FAF1: variants seen among roughly 807,000 people sequenced by gnomAD.
FAF1 encodes FAS-associated factor 1.
A neutral mutation model predicts 92.5 loss-of-function variants in FAF1; 25 were observed. The ratio of observed to expected loss-of-function variants is 0.27; its 90% CI spans 0.20 to 0.38. FAF1 has a LOEUF of 0.38. Ranked by LOEUF, FAF1 falls within the 10% of genes least tolerant of loss-of-function variation. FAF1 has a pLI of 1.00. For synonymous variants in FAF1, 234 were observed against 273.2 expected, an observed-to-expected ratio of 0.86 and a Z score of 1.42; for missense variants, 636 against 793.3, an observed-to-expected ratio of 0.80 and a Z score of 2.38.
At chr1:50,476,805 C>A in intron 17 of FAF1, among the ~76,000 whole-genome samples, 1 of 150,308 alleles carries the variant, frequency 6.7e-6, no homozygotes, top group East Asian at 2.0e-4. Flanking sequence ...GAAAAAAAAC[C>A]AATAAAATAA....
chr1:50,667,731 TTTTAAAA>T (rs1209979661), intron 7 of FAF1, among the ~76,000 whole-genome samples: 2 of 152,354 alleles, frequency 1.3e-5, no homozygotes, highest in African/African-American at 4.8e-5. Flanking sequence ...TAATGCGGAT[TTTTAAAA>T]TTCTTAATCC....
chr1:50,597,442 A>G (rs1651873653), intron 8 of FAF1, among the ~76,000 whole-genome samples: 1 of 152,144 alleles, frequency 6.6e-6, no homozygotes, highest in African/African-American at 2.4e-5. Flanking sequence ...GATGATGCTT[A>G]TATATAAAAA....
intron 4 of FAF1, among the ~76,000 whole-genome samples, chr1:50,763,151 G>A (rs557774363): frequency 1.2e-4 from 18 of 151,996 alleles, no homozygotes; most frequent in Non-Finnish European, 2.2e-4. Flanking sequence ...CCAGCTACTC[G>A]GGTGGCTGAG....
At chr1:50,449,803 G>A (rs1003193349) in intron 18 of FAF1, among the ~76,000 whole-genome samples, 10 of 151,606 alleles carry the variant, frequency 6.6e-5, no homozygotes, top group African/African-American at 2.4e-4. Context: ...AATCTTTTTG[G>A]TATGCTATGA....
intron 8 of FAF1, among the ~76,000 whole-genome samples, chr1:50,628,841 T>C (rs1465408583): frequency 6.6e-6 from 1 of 152,218 alleles, no homozygotes; most frequent in Non-Finnish European, 1.5e-5. Context: ...TGACAGGTTT[T>C]CACAGACATC....
At chr1:50,527,980 C>T (rs1161172073) in intron 15 of FAF1, among the ~76,000 whole-genome samples, 1 of 151,914 alleles carries the variant, frequency 6.6e-6, no homozygotes, top group African/African-American at 2.4e-5. Flanking sequence ...AAGCAATTCT[C>T]CCAGTTTAGC....
At chr1:50,686,152 A>G (rs768947844) in intron 7 of FAF1, among the ~76,000 whole-genome samples, 26 of 152,340 alleles carry the variant, frequency 1.7e-4, no homozygotes, top group Non-Finnish European at 3.4e-4. Context: ...TATAACCTAG[A>G]AAAATTGCTA....
chr1:50,476,847 G>T (rs1305381717), intron 17 of FAF1, among the ~76,000 whole-genome samples: 1 of 151,706 alleles, frequency 6.6e-6, no homozygotes, highest in East Asian at 1.9e-4. Flanking sequence ...ACAGTATAAA[G>T]AAATAATTTA....
chr1:50,729,460 A>C (rs1658828167), intron 6 of FAF1, among the ~76,000 whole-genome samples: 4 of 151,574 alleles, frequency 2.6e-5, no homozygotes, highest in Admixed American at 2.6e-4. Context: ...AACATCATAA[A>C]ATAAGCAGCA....
At chr1:50,785,554 T>A (rs1661330702) in intron 4 of FAF1, among the ~76,000 whole-genome samples, 1 of 148,130 alleles carries the variant, frequency 6.8e-6, no homozygotes, top group Non-Finnish European at 1.5e-5. Context: ...ATCAGACAAA[T>A]ATAAATCAAA....
intron 8 of FAF1, among the ~76,000 whole-genome samples, chr1:50,645,243 A>G (rs1465851369): frequency 6.6e-6 from 1 of 152,232 alleles, no homozygotes; most frequent in African/African-American, 2.4e-5. Context: ...CTGCCCTAGG[A>G]CAGGCTAACA....
intron 13 of FAF1, among the ~76,000 whole-genome samples, chr1:50,548,319 G>C (rs1649132669): frequency 6.6e-6 from 1 of 152,140 alleles, no homozygotes; most frequent in Non-Finnish European, 1.5e-5. Flanking sequence ...GAAAATCAGA[G>C]AAAGGAACGG....
intron 6 of FAF1, among the ~76,000 whole-genome samples, chr1:50,721,850 C>T (rs1658424942): frequency 6.6e-6 from 1 of 151,940 alleles, no homozygotes. Context: ...TCTCAAACAC[C>T]TGGGTTCAAG....
intron 2 of FAF1, among the ~76,000 whole-genome samples, chr1:50,816,818 T>TA (rs1415548660): frequency 6.6e-6 from 1 of 152,232 alleles, no homozygotes; most frequent in East Asian, 1.9e-4. Flanking sequence ...TTTGGGGTCT[T>TA]ACATTTAATT....
At chr1:50,869,393 C>T (rs1438490408) in intron 1 of FAF1, among the ~76,000 whole-genome samples, 1 of 152,080 alleles carries the variant, frequency 6.6e-6, no homozygotes, top group Non-Finnish European at 1.5e-5. Context: ...TGCCACACTT[C>T]TACTTATTTT....
chr1:50,545,989 G>A (rs1648997391), intron 13 of FAF1, among the ~76,000 whole-genome samples: 1 of 152,144 alleles, frequency 6.6e-6, no homozygotes. Flanking sequence ...ATAACAAAGT[G>A]AGACCTGCCT....
chr1:50,534,207 T>C (rs954186892), intron 15 of FAF1, among the ~76,000 whole-genome samples: 2 of 152,152 alleles, frequency 1.3e-5, no homozygotes, highest in African/African-American at 2.4e-5. Context: ...GTCCTCTCCA[T>C]ACAGCACCCT....
chr1:50,460,596 T>C (rs925743040), intron 18 of FAF1, among the ~76,000 whole-genome samples: 1 of 151,450 alleles, frequency 6.6e-6, no homozygotes, highest in Non-Finnish European at 1.5e-5. Context: ...TGTGTATGTA[T>C]ATATATGTGT....
intron 2 of FAF1, among the ~76,000 whole-genome samples, chr1:50,831,960 T>C (rs1377858875): frequency 6.6e-6 from 1 of 152,038 alleles, no homozygotes; most frequent in Non-Finnish European, 1.5e-5. Flanking sequence ...AACCCTATTA[T>C]GAACTGTGCA....
Sources: allele counts gnomAD v4.1 joint callset (sites outside exome capture counted in the v4.1 genomes callset), GRCh38; gene constraint gnomAD v4.1.1; transcripts MANE v1.5; gene names NCBI Gene and HGNC (gene_info 2026-07-23, HGNC 2026-07-21).